MTMR1: variants seen among roughly 807,000 people sequenced by gnomAD.
MTMR1 encodes myotubularin related protein 1, also known as phosphatidylinositol-3-phosphate phosphatase MTMR1.
Under a neutral mutation model 51.6 loss-of-function variants are expected in MTMR1, and 17 were observed. The ratio of observed to expected loss-of-function variants is 0.33; its 90% CI spans 0.23 to 0.49. The LOEUF (loss-of-function observed/expected upper bound fraction) is 0.49. MTMR1 is among the 20% of genes least tolerant of loss of function. The pLI is 0.99. For synonymous variants in MTMR1, 201 were observed against 205.6 expected (o/e 0.98, Z 0.19); for missense variants, 386 against 526.9 (o/e 0.73, Z 2.62).
chrX:150,737,886 G>A (rs144734244), intron 12 of MTMR1, among the ~76,000 whole-genome samples: 5,728 of 110,867 alleles, frequency 0.052, 232 homozygotes, highest in African/African-American at 0.13. Context: ...GGCCAACATG[G>A]TGAAACCCCG....
chrX:150,716,621 A>AG (rs1483382381), intron 3 of MTMR1, among the ~76,000 whole-genome samples: 9 of 112,037 alleles, frequency 8.0e-5, no homozygotes, highest in African/African-American at 2.9e-4. Context: ...TTGGATAAGG[A>AG]GGAGGATGGA....
chrX:150,698,680 GCACACACACACACACACA>G (rs1214335904), intron 1 of MTMR1, among the ~76,000 whole-genome samples: 4 of 62,989 alleles, frequency 6.4e-5, no homozygotes, highest in East Asian at 4.6e-4. Context: ...ACACGCGCGC[GCACACACACACACACACA>G]CACACACACA....
chrX:150,751,185 C>T, intron 14 of MTMR1: 1 of 844,556 alleles, frequency 1.2e-6, no homozygotes, highest in South Asian at 4.7e-5. Flanking sequence ...TTGGCCAGAT[C>T]ATACTTGAAG....
intron 14 of MTMR1, among the ~76,000 whole-genome samples, chrX:150,751,904 T>G (rs868994852): frequency 1.0e-5 from 1 of 95,747 alleles, no homozygotes; most frequent in African/African-American, 4.0e-5. Flanking sequence ...TATATTCTTT[T>G]TCTTTCTTTT....
At chrX:150,743,391 G>T (rs1388544129) in intron 12 of MTMR1, among the ~76,000 whole-genome samples, 1 of 111,410 alleles carries the variant, frequency 9.0e-6, no homozygotes, top group African/African-American at 3.3e-5. Flanking sequence ...ACAGAGCGAG[G>T]CCCTGTCTCT....
At chrX:150,726,674 A>C (rs1442345915) in intron 4 of MTMR1, among the ~76,000 whole-genome samples, 1 of 112,298 alleles carries the variant, frequency 8.9e-6, no homozygotes, top group Non-Finnish European at 1.9e-5. Flanking sequence ...ACTAATGGGA[A>C]TTAAATATGT....
chrX:150,713,198 C>T (rs982453396), intron 3 of MTMR1, among the ~76,000 whole-genome samples: 19 of 112,029 alleles, frequency 1.7e-4, no homozygotes, highest in African/African-American at 6.1e-4. Context: ...CATTTTCTTT[C>T]ATTGATTCAC....
chrX:150,694,568 G>T (rs1024599342), intron 1 of MTMR1, among the ~76,000 whole-genome samples: 5 of 112,204 alleles, frequency 4.5e-5, no homozygotes, highest in African/African-American at 1.6e-4. Context: ...ATCCCATTGT[G>T]CCAAACTTTT....
chrX:150,757,967 C>T (rs2042954367), intron 15 of MTMR1, among the ~76,000 whole-genome samples: 1 of 111,272 alleles, frequency 9.0e-6, no homozygotes, highest in Non-Finnish European at 1.9e-5. Context: ...GGCCTGTTTG[C>T]CTGCCTGCTG....
chrX:150,743,811 C>T (rs1367807301), intron 12 of MTMR1, among the ~76,000 whole-genome samples: 1 of 112,423 alleles, frequency 8.9e-6, no homozygotes, highest in Non-Finnish European at 1.9e-5. Flanking sequence ...ATATGAAATA[C>T]AATACTGGAC....
chrX:150,700,806 A>C (rs782688965), intron 2 of MTMR1, among the ~76,000 whole-genome samples: 3 of 112,759 alleles, frequency 2.7e-5, no homozygotes, highest in Non-Finnish European at 3.7e-5. Flanking sequence ...TGTTTTCATT[A>C]AGGTTGAATA....
upstream of MTMR1, chrX:150,693,262 T>C (rs1366671568): frequency 7.2e-6 from 1 of 138,941 alleles, no homozygotes; most frequent in Non-Finnish European, 1.3e-5. Context: ...TAAGGCTCCG[T>C]GGGCGAGCGC....
At chrX:150,760,211 GT>G (rs1197610965) in intron 15 of MTMR1, among the ~76,000 whole-genome samples, 2 of 108,225 alleles carry the variant, frequency 1.8e-5, no homozygotes, top group Non-Finnish European at 3.9e-5. Flanking sequence ...GGGAATGGGG[GT>G]GGGGGAGTGC....
At chrX:150,740,118 A>T (rs2042383186) in intron 12 of MTMR1, among the ~76,000 whole-genome samples, 1 of 110,545 alleles carries the variant, frequency 9.0e-6, no homozygotes, top group Non-Finnish European at 1.9e-5. Flanking sequence ...TAAAACAAAA[A>T]CCCTCTTGAC....
intron 13 of MTMR1, among the ~76,000 whole-genome samples, chrX:150,747,891 A>G (rs2042620599): frequency 8.9e-6 from 1 of 111,779 alleles, no homozygotes; most frequent in Non-Finnish European, 1.9e-5. Context: ...ATGAAGACTC[A>G]TTGTCATAGT....
chrX:150,709,584 C>G (rs1234041803), intron 2 of MTMR1, among the ~76,000 whole-genome samples: 1 of 111,703 alleles, frequency 9.0e-6, no homozygotes, highest in Non-Finnish European at 1.9e-5. Flanking sequence ...GTTTACTGGG[C>G]TCACAGTTCT....
At position 150,740,336 on chromosome X, in the gene MTMR1, G is replaced by A. The variant is rs532650272; in HGVS notation, c.1473+2888G>A. Among the ~76,000 whole-genome samples, 12 of 111,780 alleles carry A rather than the reference G, an allele frequency of 1.1e-4. No homozygotes were observed. The South Asian group carries it at 4.1e-3, about 38-fold the overall frequency. ...CTTGTTTTATTTGGCCTGAGCATTC[G>A]ATGCTGTTGATTCTTCCTTTCTTCC... On this transcript the variant is annotated intron_variant, in intron 12 of 15. Coordinates refer to ENST00000445323, the MANE Select transcript of MTMR1 (RefSeq NM_001306144.3).
rs1249754887 is a variant in MTMR1, at chrX:150,742,671, G to T, written c.1474-1690G>T. On this transcript the variant is annotated intron_variant, in intron 12 of 15. Transcript: ENST00000445323. The stretch of plus-strand genomic sequence containing the variant: ...CTCTACTAAAAATACAAAAAAATTA[G>T]CCAGGCGTGGTGGCGGGCACCTGTA... Among the ~76,000 whole-genome samples, 3 of 109,349 alleles carry T rather than the reference G, an allele frequency of 2.7e-5. No individual in the cohort carries two copies. In the Admixed American group the frequency reaches 2.9e-4, roughly 11 times the overall value. 95.0% of individuals were successfully genotyped at this position (109,349 alleles called of 115,157 possible).
rs782600657 is a variant in MTMR1 at position 150,696,466 on chromosome X, G to A, written c.147-2729G>A. Among the ~76,000 whole-genome samples, 3 of 111,951 alleles carry A rather than the reference G, an allele frequency of 2.7e-5. No homozygotes were observed. In the East Asian group the frequency reaches 8.4e-4, roughly 31 times the overall value. On this transcript the variant is annotated intron_variant, in intron 1 of 15. Coordinates refer to ENST00000445323, the MANE Select transcript of MTMR1 (RefSeq NM_001306144.3). ...GATGTGTCTTGCCAAAGATCATGGA[G>A]TTAGCTGGTGACAGAAGCAGGACTC...
Sources: allele counts gnomAD v4.1 joint callset (sites outside exome capture counted in the v4.1 genomes callset), GRCh38; gene constraint gnomAD v4.1.1; transcripts MANE v1.5; gene names NCBI Gene and HGNC (gene_info 2026-07-23, HGNC 2026-07-21).